Variants in SLC1A4 observed in about 807,000 individuals in gnomAD.
The protein encoded by SLC1A4 is neutral amino acid transporter A.
SLC1A4 carries 19 observed loss-of-function variants against 37.7 expected under a neutral mutation model. The observed-to-expected ratio is 0.50, with a 90% CI of 0.35 to 0.74. The LOEUF is 0.74. SLC1A4 is among the 30% of genes least tolerant of loss of function. SLC1A4 has a pLI of 0.01. For missense variants in SLC1A4, 570 were observed against 712.9 expected (o/e 0.80, Z 2.28); for synonymous variants, 299 against 309.8 (o/e 0.97, Z 0.37).
At chr2:65,000,897 C>A (rs1673429879) in intron 1 of SLC1A4, 1 of 152,536 alleles carries the variant, frequency 6.6e-6, no homozygotes, top group Admixed American at 6.5e-5. Context: ...TTGGGGAATG[C>A]CTCAATTTTG....
rs768314676 is a variant in SLC1A4 at position 65,010,579 on chromosome 2, T to C, written c.634-18T>C. 4.4e-5 allele frequency: 70 copies of C among 1,585,774 alleles called. No individual in the cohort carries two copies. The highest frequency in any genetic ancestry group is 5.7e-5 in the Non-Finnish European group (67 of 1,168,112). On this transcript the variant is annotated intron_variant, in intron 3 of 7. Coordinates refer to ENST00000234256, the MANE Select transcript of SLC1A4 (RefSeq NM_003038.5). ...ACTCATCTGTTGTAAACTTGTTCTA[T>C]CCTCTCTGATCCTGCAGATCCCCAT...
chr2:65,010,442 A>T (rs1020807217), intron 3 of SLC1A4, among the ~76,000 whole-genome samples, 155 bp from the exon 4 acceptor site: 1 of 152,008 alleles, frequency 6.6e-6, no homozygotes, highest in Non-Finnish European at 1.5e-5. Flanking sequence ...TAAGTTTCCT[A>T]CCCCTTTATT....
At chr2:65,007,248 C>A (rs1350774338) in intron 3 of SLC1A4, among the ~76,000 whole-genome samples, 1 of 147,366 alleles carries the variant, frequency 6.8e-6, no homozygotes, top group East Asian at 1.9e-4. Context: ...TAAAGCAGGG[C>A]AAATAGATAG....
In SLC1A4 at chr2:65,021,115, C is replaced by T; in HGVS notation, c.1568C>T (p.Pro523Leu). ...CCCGCTGGCCCCGTGGCCAGTGCCC[C>T]AGAACTGGAATCCAAGGAGTCGGTT... ...QNPAGPVASA[P>L]ELESKESVL Residue 523 changes from proline to leucine, a missense_variant, in exon 8 of 8, where the codon CCA (proline) becomes CTA (leucine). Transcript: ENST00000234256. 3 of 1,614,194 alleles carry T rather than the reference C, an allele frequency of 1.9e-6. No homozygotes were observed. The highest frequency in any genetic ancestry group is 1.3e-5 in the African/African-American group (1 of 75,056).
chr2:65,003,611 AAAT>A (rs1274487414), intron 2 of SLC1A4, among the ~76,000 whole-genome samples: 1 of 152,258 alleles, frequency 6.6e-6, no homozygotes, highest in Non-Finnish European at 1.5e-5. Context: ...AAGGTTATTC[AAAT>A]AATATGACAT....
intron 3 of SLC1A4, among the ~76,000 whole-genome samples, chr2:65,005,126 G>C (rs1292371509): frequency 3.3e-5 from 5 of 152,210 alleles, no homozygotes; most frequent in African/African-American, 1.2e-4. Flanking sequence ...GTAAAATGGA[G>C]TTAATCCTAG....
Position 64,989,526 on chromosome 2 carries a change from G to C in SLC1A4, c.-118G>C. 1.1e-6 allele frequency: 1 copy of C among 918,466 alleles called. No homozygotes were observed. Among genetic ancestry groups the C allele is most frequent in the South Asian group, 3.0e-5 (1 of 33,162 alleles). The allele number at this position is 918,466 out of a possible 1,614,324, so 56.9% of individuals were successfully genotyped here. A position where few individuals can be genotyped will look rare whatever the true frequency, so the allele number is the denominator to read the frequency against. ...CTGCGCCAGGCCCGGAGACCCCCGGGGCGGCTTCCCAGAACCTGCGGAGCA... is the reference window on the plus strand; with the variant it reads ...CTGCGCCAGGCCCGGAGACCCCCGGCGCGGCTTCCCAGAACCTGCGGAGCA... On this transcript the variant is annotated 5_prime_UTR_variant, in exon 1 of 8. Coordinates refer to ENST00000234256, the MANE Select transcript of SLC1A4 (RefSeq NM_003038.5).
intron 1 of SLC1A4, among the ~76,000 whole-genome samples, chr2:64,992,466 C>T (rs528425282): frequency 9.8e-5 from 15 of 152,298 alleles, no homozygotes; most frequent in Admixed American, 1.3e-4. Flanking sequence ...TTTGTTGTGG[C>T]TTGCTGGGGA....
intron 1 of SLC1A4, among the ~76,000 whole-genome samples, chr2:64,991,061 G>A (rs1350516672): frequency 1.3e-5 from 2 of 152,200 alleles, no homozygotes; most frequent in Admixed American, 1.3e-4. Flanking sequence ...GTTGAGTGAG[G>A]AGTCCAGCTG....
chr2:65,011,649 T>A (rs1056212790), intron 4 of SLC1A4: 17 of 148,442 alleles, frequency 1.1e-4, no homozygotes, highest in African/African-American at 4.5e-4. Context: ...AATTCTTAGA[T>A]TATTTGCTAA....
chr2:65,012,262 T>C (rs1265264118), intron 4 of SLC1A4, among the ~76,000 whole-genome samples: 4 of 151,780 alleles, frequency 2.6e-5, no homozygotes, highest in African/African-American at 9.7e-5. Flanking sequence ...GCTAATTTTT[T>C]GTATTTTTAG....
At chr2:65,002,796 T>C (rs891871687) in intron 2 of SLC1A4, among the ~76,000 whole-genome samples, 4 of 152,008 alleles carry the variant, frequency 2.6e-5, no homozygotes, top group Non-Finnish European at 5.9e-5. Context: ...CAGGATGGTC[T>C]CGATCTCCTG....
chr2:65,018,391 G>A lies in SLC1A4; in HGVS notation c.1229+126G>A. Reference sequence around the variant, plus strand: ...TGAGGACAGTGGGGATTCATTACTTGAAGAGCGTGTGTTGACTCTCAAGGG... The same window carrying A: ...TGAGGACAGTGGGGATTCATTACTTAAAGAGCGTGTGTTGACTCTCAAGGG... On this transcript the variant is annotated intron_variant, in intron 6 of 7. Transcript: ENST00000234256. The surrounding 1 kb of genome is among the most constrained non-coding windows in gnomAD (Gnocchi z 4.3). 1 of 1,378,476 alleles carries A rather than the reference G, an allele frequency of 7.3e-7. No homozygotes were observed. The highest frequency in any genetic ancestry group is 1.4e-5 in the African/African-American group (1 of 69,474). 85.4% of individuals were successfully genotyped at this position (1,378,476 alleles called of 1,614,324 possible). A position where few individuals can be genotyped will look rare whatever the true frequency, so the allele number is the denominator to read the frequency against.
chr2:64,989,886 G>A lies in SLC1A4; in HGVS notation c.243G>A (p.Met81Ile). 6.5e-7 allele frequency: 1 copy of A among 1,548,272 alleles called. No individual in the cohort carries two copies. Among genetic ancestry groups the A allele is most frequent in the Non-Finnish European group, 8.7e-7 (1 of 1,150,806 alleles). The change falls in exon 1 of 8, where the codon ATG becomes ATA. Residue 81 changes from methionine to isoleucine, a missense_variant. Physicochemically the swap from Met to Ile is conservative, Grantham distance 10. Coordinates refer to ENST00000234256, the MANE Select transcript of SLC1A4 (RefSeq NM_003038.5). ...QVTYLAFPGE[M>I]LLRMLRMIIL... is the part of the protein sequence containing the mutation. ...CCTACCTGGCCTTCCCCGGCGAGAT[G>A]CTGCTCCGCATGCTGCGCATGATCA...
rs1479931821 is a variant in SLC1A4 at position 65,021,555 on chromosome 2, T to A, written c.*409T>A. ...CTGAGCAAACCAAGGGGGTTTATAG[T>A]CATCTGTCGCATTGCCTCGAGTTGC... On this transcript the variant is annotated 3_prime_UTR_variant, in exon 8 of 8. Coordinates refer to ENST00000234256, the MANE Select transcript of SLC1A4 (RefSeq NM_003038.5). The A allele has an allele frequency of 5.8e-6, 1 of 172,612 alleles. No homozygotes were observed. The highest frequency in any genetic ancestry group is 1.2e-5 in the Non-Finnish European group (1 of 81,320). 10.7% of individuals were successfully genotyped at this position (172,612 alleles called of 1,614,324 possible). A position where few individuals can be genotyped will look rare whatever the true frequency, so the allele number is the denominator to read the frequency against.
Position 64,989,877 on chromosome 2 carries a change from C to A in SLC1A4, c.234C>A (p.Pro78=). ...CGCAGGTCACCTACCTGGCCTTCCC[C>A]GGCGAGATGCTGCTCCGCATGCTGC... The part of the protein sequence containing the change: ...SRTQVTYLAF[P]GEMLLRMLRM... Residue 78 remains proline, a synonymous_variant, in exon 1 of 8, where the codon CCC becomes CCA. Coordinates refer to ENST00000234256, the MANE Select transcript of SLC1A4 (RefSeq NM_003038.5). 1 of 1,544,248 alleles carries A rather than the reference C, an allele frequency of 6.5e-7. No individual in the cohort carries two copies. Among genetic ancestry groups the A allele is most frequent in the Non-Finnish European group, 8.7e-7 (1 of 1,149,116 alleles).
At chr2:65,015,512 T>G (rs1205797546) in intron 4 of SLC1A4, among the ~76,000 whole-genome samples, 1 of 152,242 alleles carries the variant, frequency 6.6e-6, no homozygotes, top group Non-Finnish European at 1.5e-5. Context: ...AGGATGGTAC[T>G]TAAAGAGGAT....
At chr2:64,995,720 G>A (rs541160377) in intron 1 of SLC1A4, among the ~76,000 whole-genome samples, 1 of 152,244 alleles carries the variant, frequency 6.6e-6, no homozygotes, top group East Asian at 1.9e-4. Context: ...CTGTTCTGAA[G>A]AGTCTTTGAA....
chr2:64,996,985 C>T (rs571424535), intron 1 of SLC1A4, among the ~76,000 whole-genome samples: 2 of 152,210 alleles, frequency 1.3e-5, no homozygotes, highest in South Asian at 2.1e-4. Flanking sequence ...CAGAGTTTAC[C>T]GCAGCATCTG....
Sources: gnomAD v4.1 joint callset for allele counts (sites outside exome capture counted in the v4.1 genomes callset) on GRCh38, gnomAD v4.1.1 for gene constraint, Gnocchi (gnomAD v3.1) non-coding constraint, MANE v1.5 for transcripts, NCBI Gene and HGNC (gene_info 2026-07-23, HGNC 2026-07-21) for gene names.